UBR4: variants seen among roughly 807,000 people sequenced by gnomAD.
UBR4 encodes ubiquitin protein ligase E3 component n-recognin 4, also known as E3 ubiquitin-protein ligase UBR4.
UBR4 carries 124 observed loss-of-function variants against 575.6 expected under a neutral mutation model. That is an observed-to-expected ratio of 0.22 (90% CI 0.19 to 0.25). The LOEUF is 0.25. Among genes scored for constraint, UBR4 ranks in the 10% least tolerant of loss-of-function variants. UBR4 has a pLI of 1.00. For missense variants in UBR4, 4,818 were observed against 6,478.8 expected, an observed-to-expected ratio of 0.74 and a Z score of 8.80; for synonymous variants, 2,455 against 2,473.7, an observed-to-expected ratio of 0.99 and a Z score of 0.22.
chr1:19,101,637 T>C lies in UBR4; in HGVS notation c.12906A>G (p.Thr4302=). 2 of 1,601,876 alleles carry C rather than the reference T, an allele frequency of 1.2e-6. No individual in the cohort carries two copies. Among genetic ancestry groups the C allele is most frequent in the South Asian group, 1.1e-5 (1 of 90,776 alleles). ...LEMLEDMTTG[T]ESETKAFMAV... is the part of the protein sequence containing the mutation. Reference sequence around the variant, plus strand: ...CCATGAAGGCCTTGGTTTCTGATTCTGTACCTGCCAGAAATCAAAGCGGCC... The same window carrying C: ...CCATGAAGGCCTTGGTTTCTGATTCCGTACCTGCCAGAAATCAAAGCGGCC... The change falls in exon 88 of 106, where the codon ACA becomes ACG. Residue 4302 remains threonine (T), a synonymous_variant. Coordinates refer to ENST00000375254, the MANE Select transcript of UBR4 (RefSeq NM_020765.3).
chr1:19,117,834 C>T lies in UBR4; in HGVS notation c.10618G>A (p.Val3540Ile). The T allele has an allele frequency of 1.2e-6, 2 of 1,614,190 alleles. No individual in the cohort carries two copies. The highest frequency in any genetic ancestry group is 1.1e-5 in the South Asian group (1 of 91,084). ...DPCLVCNNPE[V>I]PFCYIKLSSI... ...CAGATGTTACTTACACAGAACGGTA[C>T]TTCCGGGTTATTACACACCAGGCAG... Residue 3540 changes from valine to isoleucine, a missense_variant, in exon 72 of 106, where the codon GTA (valine) becomes ATA (isoleucine). Val to Ile is a conservative substitution (Grantham distance 29, BLOSUM62 3). This residue lies in a region of UBR4 where 550 missense variants were observed against 791.5 expected (regional missense o/e 0.69). Coordinates refer to ENST00000375254, the MANE Select transcript of UBR4 (RefSeq NM_020765.3). The surrounding 1 kb of genome is among the most constrained non-coding windows in gnomAD (Gnocchi z 4.0).
rs1418990188 is a variant in UBR4 at position 19,089,831 on chromosome 1, G to A, written c.14212-854C>T. On this transcript the variant is annotated intron_variant, in intron 97 of 105. Transcript: ENST00000375254. This position sits in a 1 kb window ranked among gnomAD's most constrained non-coding sequence, Gnocchi z 4.3. ...GTCCACTTCCAATCTGTGTCTCAGC[G>A]AAATTACCTATTCCCTCATGTCTCA... Among the ~76,000 whole-genome samples, 1 of 152,162 alleles carries A rather than the reference G, an allele frequency of 6.6e-6. No individual in the cohort carries two copies. The highest frequency in any genetic ancestry group is 6.5e-5 in the Admixed American group (1 of 15,272).
In UBR4 at chr1:19,110,007, G is replaced by T. The variant is rs114668260; in HGVS notation, c.12105+89C>A. 197 of 1,585,108 alleles carry T rather than the reference G, an allele frequency of 1.2e-4. No individual in the cohort carries two copies. In the African/African-American group the frequency reaches 2.5e-3, roughly 20 times the overall value. The stretch of plus-strand genomic sequence containing the variant: ...GGGGAGGTGGGCTCAAGGCAAAGCG[G>T]AGACCATGAGGAGGCAGGGCACACT... On this transcript the variant is annotated intron_variant, in intron 81 of 105. Coordinates refer to ENST00000375254, the MANE Select transcript of UBR4 (RefSeq NM_020765.3). The surrounding 1 kb of genome is among the most constrained non-coding windows in gnomAD (Gnocchi z 4.5).
At chr1:19,142,261 T>G (rs531255689) in intron 55 of UBR4, among the ~76,000 whole-genome samples, 2 of 152,274 alleles carry the variant, frequency 1.3e-5, no homozygotes, top group South Asian at 2.1e-4. Flanking sequence ...AGAACCAGAA[T>G]TGAAGTGTAA....
In UBR4 at chr1:19,081,513, C is replaced by A. The variant is rs771873829; in HGVS notation, c.15069G>T (p.Glu5023Asp). ...CTTCAAAGGCACTCTCCACCCACTT[C>A]TCCTTGGGCTGTTCCAGAAAGCCTT... ...NLQGFLEQPK[E>D]KWVESAFEVD... Residue 5023 changes from glutamate to aspartate, a missense_variant, in exon 103 of 106, where the codon GAG becomes GAT. By Grantham distance (45) the Glu-to-Asp change is conservative. This residue lies in a region of UBR4 where 212 missense variants were observed against 221.3 expected (regional missense o/e 0.96). Transcript: ENST00000375254. 9 of 1,613,936 alleles carry A rather than the reference C, an allele frequency of 5.6e-6. No individual in the cohort carries two copies. The Admixed American group carries it at 1.0e-4, about 18-fold the overall frequency.
intron 7 of UBR4, 117 bp from the exon 8 acceptor site, chr1:19,197,382 A>G (rs1185890712): frequency 7.0e-7 from 1 of 1,427,290 alleles, no homozygotes; most frequent in Non-Finnish European, 9.5e-7. Context: ...TAATTCCGAC[A>G]CTTCAGGAGG....
In UBR4 at chr1:19,153,336, A is replaced by C; in HGVS notation, c.6797T>G (p.Met2266Arg). The change falls in exon 46 of 106, where the codon ATG becomes AGG. Residue 2266 changes from methionine to arginine, a missense_variant. Physicochemically the swap from Met to Arg is moderately conservative, Grantham distance 91. Transcript: ENST00000375254. This position sits in a 1 kb window ranked among gnomAD's most constrained non-coding sequence, Gnocchi z 4.1. ...TGTTTTGCGCTTTCGAACAGGCTTCATGATGCTGATGACACTGCTGGGCTG... is the reference window on the plus strand; with the variant it reads ...TGTTTTGCGCTTTCGAACAGGCTTCCTGATGCTGATGACACTGCTGGGCTG... Reference protein sequence around the residue: ...SLQPSSVISIMKPVRKRKTAT... With the variant: ...SLQPSSVISIRKPVRKRKTAT... The C allele has an allele frequency of 6.2e-7, 1 of 1,614,198 alleles. No individual in the cohort carries two copies. The highest frequency in any genetic ancestry group is 2.2e-5 in the East Asian group (1 of 44,882).
At chr1:19,128,923 G>T in intron 61 of UBR4, 55 bp downstream of exon 61, 1 of 1,521,158 alleles carries the variant, frequency 6.6e-7, no homozygotes, top group Non-Finnish European at 9.1e-7. Flanking sequence ...ATGTGGGCAT[G>T]CTTAAGGACG....
chr1:19,110,769 C>T lies in UBR4; in HGVS notation c.11865G>A (p.Leu3955=). The T allele has an allele frequency of 3.1e-6, 5 of 1,614,180 alleles. No individual in the cohort carries two copies. Among genetic ancestry groups the T allele is most frequent in the Non-Finnish European group, 4.2e-6 (5 of 1,180,030 alleles). The change falls in exon 79 of 106, where the codon CTG becomes CTA. Residue 3955 remains leucine (L), a synonymous_variant. Transcript: ENST00000375254. The surrounding 1 kb of genome is among the most constrained non-coding windows in gnomAD (Gnocchi z 4.5). ...GATCGGGGTTGGCCCAGTGGCCCTTCAGGGCTGTGGAGACCTTGCCAATAA... is the reference window on the plus strand; with the variant it reads ...GATCGGGGTTGGCCCAGTGGCCCTTTAGGGCTGTGGAGACCTTGCCAATAA... ...DLIIGKVSTA[L]KGHWANPDLA... is the part of the protein sequence containing the mutation.
chr1:19,183,684 T>C (rs2091242111), intron 17 of UBR4, 127 bp downstream of exon 17: 1 of 931,684 alleles, frequency 1.1e-6, no homozygotes, highest in Admixed American at 2.2e-5. Flanking sequence ...ACCGTGTCAC[T>C]GCACTCCAGC....
At chr1:19,181,464 A>T (rs1278798649) in intron 17 of UBR4, among the ~76,000 whole-genome samples, 2 of 152,172 alleles carry the variant, frequency 1.3e-5, no homozygotes, top group Non-Finnish European at 2.9e-5. Context: ...TTCTAGTTTC[A>T]TTTGAGTTTT....
In UBR4 at chr1:19,110,559, A is replaced by G; in HGVS notation, c.11893-95T>C. On this transcript the variant is annotated intron_variant, in intron 79 of 105. Coordinates refer to ENST00000375254, the MANE Select transcript of UBR4 (RefSeq NM_020765.3). This position sits in a 1 kb window ranked among gnomAD's most constrained non-coding sequence, Gnocchi z 4.5. ...ACAATTTCTGGTCCTAGGTGGCTCC[A>G]ACAGAGACAAAGGACAGACGGAGAC... 1 of 1,417,876 alleles carries G rather than the reference A, an allele frequency of 7.1e-7. No homozygotes were observed. Among genetic ancestry groups the G allele is most frequent in the African/African-American group, 1.4e-5 (1 of 70,894 alleles). 87.8% of individuals were successfully genotyped at this position (1,417,876 alleles called of 1,614,324 possible).
chr1:19,081,450 G>A lies in UBR4; in HGVS notation c.15132C>T (p.His5044=). 6.2e-7 allele frequency: 1 copy of A among 1,614,092 alleles called. No homozygotes were observed. The highest frequency in any genetic ancestry group is 8.5e-7 in the Non-Finnish European group (1 of 1,180,034). The part of the protein sequence containing the change: ...GPYYFTVLAL[H]ILPPEQWRAT... ...CTCTCCACTGCTCAGGGGGCAGGATGTGAAGGGCCAAGACTGTGAAATAGT... is the reference window on the plus strand; with the variant it reads ...CTCTCCACTGCTCAGGGGGCAGGATATGAAGGGCCAAGACTGTGAAATAGT... Residue 5044 remains histidine, a synonymous_variant, in exon 103 of 106, where the codon CAC becomes CAT. Coordinates refer to ENST00000375254, the MANE Select transcript of UBR4 (RefSeq NM_020765.3).
rs199941050 is a variant in UBR4, at chr1:19,094,960, G to A, written c.13692C>T (p.Ser4564=). Reference sequence around the variant, plus strand: ...ACTCATCTAGAATGATCTCCATGATGCTAAGCACCTGCTCAGCCACAGCTG... The same window carrying A: ...ACTCATCTAGAATGATCTCCATGATACTAAGCACCTGCTCAGCCACAGCTG... ...GGAAVAEQVL[S]IMEIILDESN... is the part of the protein sequence containing the mutation. Residue 4564 remains serine, a synonymous_variant, in exon 94 of 106, where the codon AGC becomes AGT. Transcript: ENST00000375254. 6.2e-7 allele frequency: 1 copy of A among 1,614,154 alleles called. No homozygotes were observed. Among genetic ancestry groups the A allele is most frequent in the East Asian group, 2.2e-5 (1 of 44,868 alleles).
At chr1:19,112,235 T>C (rs1012223258) in intron 78 of UBR4, 17 of 374,290 alleles carry the variant, frequency 4.5e-5, no homozygotes, top group African/African-American at 8.3e-5. Context: ...CGAGTTCAAG[T>C]GTCTCCCTTC....
At chr1:19,175,169 G>C in intron 20 of UBR4, 136 bp from the exon 21 acceptor site, 1 of 816,690 alleles carries the variant, frequency 1.2e-6, no homozygotes, top group East Asian at 3.0e-5. Context: ...AGCCAGATAA[G>C]TGTTTGCTGT....
chr1:19,153,165 G>T lies in UBR4; in HGVS notation c.6832+136C>A. The T allele has an allele frequency of 2.8e-6, 3 of 1,079,132 alleles. No individual in the cohort carries two copies. The highest frequency in any genetic ancestry group is 4.0e-6 in the Non-Finnish European group (3 of 753,828). The allele number at this position is 1,079,132 out of a possible 1,614,324, so 66.8% of individuals were successfully genotyped here. A position where few individuals can be genotyped will look rare whatever the true frequency, so the allele number is the denominator to read the frequency against. The stretch of plus-strand genomic sequence containing the variant: ...CATTTGGAAACATAACTCTGCTTTT[G>T]GGAAATTAACTTTACAAAATGTGCA... On this transcript the variant is annotated intron_variant, in intron 46 of 105. Transcript: ENST00000375254. The surrounding 1 kb of genome is among the most constrained non-coding windows in gnomAD (Gnocchi z 4.1).
intron 1 of UBR4, among the ~76,000 whole-genome samples, chr1:19,208,654 A>G (rs1024681252): frequency 3.9e-5 from 6 of 152,134 alleles, no homozygotes; most frequent in African/African-American, 1.4e-4. Flanking sequence ...GCAAAATTCA[A>G]ACCTAGTGAT....
chr1:19,194,694 C>T (rs1250266829), intron 8 of UBR4, among the ~76,000 whole-genome samples: 8 of 151,826 alleles, frequency 5.3e-5, no homozygotes, highest in Admixed American at 2.0e-4. Context: ...CCCAGCTACT[C>T]GGGAAGCTGA....
Sources: gnomAD v4.1 joint callset for allele counts (sites outside exome capture counted in the v4.1 genomes callset) on GRCh38, gnomAD v4.1.1 for gene constraint, gnomAD v4.1.1 regional missense constraint, Gnocchi (gnomAD v3.1) non-coding constraint, MANE v1.5 for transcripts, NCBI Gene and HGNC (gene_info 2026-07-23, HGNC 2026-07-21) for gene names.